TRPC4: variants seen among roughly 807,000 people sequenced by gnomAD.
The protein encoded by TRPC4 is transient receptor potential cation channel subfamily C member 4.
A neutral mutation model predicts 99.4 loss-of-function variants in TRPC4; 49 were observed. That is an observed-to-expected ratio of 0.49 (90% CI 0.39 to 0.63). The LOEUF is 0.63. Ranked by LOEUF, TRPC4 falls within the 20% of genes least tolerant of loss-of-function variation. TRPC4 has a pLI of 0.00. For missense variants in TRPC4, 898 were observed against 1,152.9 expected (o/e 0.78, Z 3.20); for synonymous variants, 454 against 425.9 (o/e 1.07, Z -0.81).
chr13:37,806,876 G>A (rs909652204), intron 1 of TRPC4, among the ~76,000 whole-genome samples: 2 of 151,990 alleles, frequency 1.3e-5, no homozygotes, highest in East Asian at 1.9e-4. Context: ...CACAGTGGGC[G>A]CTGTCTCCTG....
At chr13:37,851,389 C>T (rs745995183) in intron 1 of TRPC4, among the ~76,000 whole-genome samples, 25 of 152,060 alleles carry the variant, frequency 1.6e-4, no homozygotes, top group Non-Finnish European at 3.4e-4. Flanking sequence ...CAGCACATAA[C>T]CCTGTTATTG....
chr13:37,854,501 G>A (rs1959135668), intron 1 of TRPC4, among the ~76,000 whole-genome samples: 1 of 152,044 alleles, frequency 6.6e-6, no homozygotes, highest in East Asian at 1.9e-4. Flanking sequence ...AAACTCACTG[G>A]TAATAGTAAG....
chr13:37,718,726 A>G (rs1187927292), intron 3 of TRPC4, among the ~76,000 whole-genome samples: 1 of 152,138 alleles, frequency 6.6e-6, no homozygotes, highest in African/African-American at 2.4e-5. Context: ...AAATTATCCA[A>G]TCTAAGGAAA....
At chr13:37,682,702 C>T (rs909660479) in intron 4 of TRPC4, among the ~76,000 whole-genome samples, 29 of 152,078 alleles carry the variant, frequency 1.9e-4, no homozygotes, top group African/African-American at 7.0e-4. Context: ...AGACAGATAG[C>T]GAGAGAGCCA....
rs1250511354 is a variant in TRPC4, at chr13:37,635,111, C to T, written c.*1792G>A. Among the ~76,000 whole-genome samples the T allele has an allele frequency of 1.3e-5, 2 of 152,144 alleles. No individual in the cohort carries two copies. Among genetic ancestry groups the T allele is most frequent in the African/African-American group, 4.8e-5 (2 of 41,454 alleles). On this transcript the variant is annotated 3_prime_UTR_variant, in exon 11 of 11. Coordinates refer to ENST00000379705, the MANE Select transcript of TRPC4 (RefSeq NM_016179.4). The stretch of plus-strand genomic sequence containing the variant: ...AATACAGCACATTTTATATTTTGCA[C>T]ACTTCTCTTGCTTTAGAAGAAGGGA...
chr13:37,678,066 T>A (rs1953118460), intron 4 of TRPC4, among the ~76,000 whole-genome samples: 1 of 152,128 alleles, frequency 6.6e-6, no homozygotes, highest in Admixed American at 6.5e-5. Flanking sequence ...TTAAAAATAT[T>A]TTGAAATGAT....
chr13:37,819,559 C>T (rs916633614), intron 1 of TRPC4, among the ~76,000 whole-genome samples: 1 of 152,072 alleles, frequency 6.6e-6, no homozygotes, highest in Non-Finnish European at 1.5e-5. Flanking sequence ...CTTTAGCAAA[C>T]TAACGCAGGA....
At chr13:37,718,209 C>G (rs1954745166) in intron 3 of TRPC4, among the ~76,000 whole-genome samples, 1 of 152,032 alleles carries the variant, frequency 6.6e-6, no homozygotes, top group Middle Eastern at 3.2e-3. Context: ...AGACTGCAGA[C>G]AGTCTAGGTA....
At chr13:37,726,198 C>T (rs532068942) in intron 3 of TRPC4, among the ~76,000 whole-genome samples, 5 of 147,764 alleles carry the variant, frequency 3.4e-5, no homozygotes, top group Admixed American at 6.9e-5. Context: ...ACCGTCCCCC[C>T]CCAAAAAAAA....
intron 1 of TRPC4, among the ~76,000 whole-genome samples, chr13:37,826,617 C>T (rs1958222409): frequency 6.6e-6 from 1 of 152,052 alleles, no homozygotes; most frequent in African/African-American, 2.4e-5. Context: ...TCTCTTCTGG[C>T]TTATAGGGTT....
At chr13:37,687,483 G>T (rs1953524305) in intron 4 of TRPC4, among the ~76,000 whole-genome samples, 1 of 152,018 alleles carries the variant, frequency 6.6e-6, no homozygotes, top group Non-Finnish European at 1.5e-5. Context: ...GCATTCAAAA[G>T]TTTGTTTTTC....
At chr13:37,749,371 C>T (rs553521352) in intron 2 of TRPC4, among the ~76,000 whole-genome samples, 1 of 152,068 alleles carries the variant, frequency 6.6e-6, no homozygotes, top group African/African-American at 2.4e-5. Context: ...AAAATGTATT[C>T]GAAATTTAAC....
intron 8 of TRPC4, among the ~76,000 whole-genome samples, chr13:37,645,920 G>C (rs563467314): frequency 6.6e-6 from 1 of 152,202 alleles, no homozygotes; most frequent in African/African-American, 2.4e-5. Flanking sequence ...AAAAGGCCCT[G>C]CCAACAAATC....
chr13:37,684,564 G>C (rs1022570918), intron 4 of TRPC4, among the ~76,000 whole-genome samples: 1 of 151,982 alleles, frequency 6.6e-6, no homozygotes, highest in Non-Finnish European at 1.5e-5. Context: ...CTAAGAAGTA[G>C]AATGCTTATG....
In TRPC4 at chr13:37,838,523, T is replaced by C. The variant is rs1889160; in HGVS notation, c.-28+31072A>G. On this transcript the variant is annotated intron_variant, in intron 1 of 10. Coordinates refer to ENST00000379705, the MANE Select transcript of TRPC4 (RefSeq NM_016179.4). The stretch of plus-strand genomic sequence containing the variant: ...ATCTTGTTCACACAGTCCATATAAA[T>C]ACTGTCTTGCACTTAATAATTACTA... 8.9e-3 allele frequency among the ~76,000 whole-genome samples: 1,358 copies of C among 152,314 alleles called. 35 individuals are homozygous for C. The East Asian group carries it at 0.1, about 11-fold the overall frequency.
chr13:37,829,710 CT>C (rs1443582808), intron 1 of TRPC4, among the ~76,000 whole-genome samples: 1 of 152,106 alleles, frequency 6.6e-6, no homozygotes, highest in Non-Finnish European at 1.5e-5. Context: ...TATAGTAGCA[CT>C]GTTCATAATA....
chr13:37,701,066 C>T (rs1462746108), intron 3 of TRPC4, among the ~76,000 whole-genome samples: 2 of 152,124 alleles, frequency 1.3e-5, no homozygotes, highest in East Asian at 1.9e-4. Context: ...TCACCGACCT[C>T]TCAGGTTGTG....
intron 2 of TRPC4, among the ~76,000 whole-genome samples, chr13:37,781,053 A>C (rs1217721530): frequency 1.3e-5 from 2 of 152,140 alleles, no homozygotes; most frequent in Non-Finnish European, 2.9e-5. Context: ...CCTACTTGTG[A>C]GGCTAGAGTT....
intron 1 of TRPC4, among the ~76,000 whole-genome samples, chr13:37,865,695 GATT>G (rs1959696788): frequency 6.6e-6 from 1 of 151,644 alleles, no homozygotes; most frequent in Admixed American, 6.6e-5. Context: ...CTTGTTAAAA[GATT>G]ATTGATTGTA....
Sources: gnomAD v4.1 joint callset for allele counts (sites outside exome capture counted in the v4.1 genomes callset) on GRCh38, gnomAD v4.1.1 for gene constraint, MANE v1.5 for transcripts, NCBI Gene and HGNC (gene_info 2026-07-23, HGNC 2026-07-21) for gene names.